Variants in CEP43 observed in about 807,000 individuals in gnomAD.
The protein encoded by CEP43 is centrosomal protein 43.
In CEP43, 36 loss-of-function variants were observed where a neutral mutation model predicts 52.6. The ratio of observed to expected loss-of-function variants is 0.68; its 90% CI spans 0.52 to 0.90. The LOEUF (loss-of-function observed/expected upper bound fraction) is 0.90, where lower values mean the gene tolerates loss of function less well. CEP43 is among the 40% of genes least tolerant of loss of function. CEP43 has a pLI of 0.00. For synonymous variants in CEP43, 192 were observed against 172.4 expected, an observed-to-expected ratio of 1.11 and a Z score of -0.89; for missense variants, 506 against 472.8, an observed-to-expected ratio of 1.07 and a Z score of -0.65.
At chr6:166,999,842 A>G (rs1779688622) in intron 1 of CEP43, 2 of 565,004 alleles carry the variant, frequency 3.5e-6, no homozygotes, top group African/African-American at 1.9e-5. Flanking sequence ...TCTCTTCCTC[A>G]GGCTCGGGCA....
chr6:167,003,208 G>T lies in CEP43; in HGVS notation c.172G>T (p.Val58Phe). The T allele has an allele frequency of 6.8e-7, 1 of 1,476,196 alleles. No homozygotes were observed. 91.4% of individuals were successfully genotyped at this position (1,476,196 alleles called of 1,614,324 possible). ...QEKVENKTPL[V>F]NESLKKFLNT... ...TTTTTAACAGAACAAAACTCCTTTAGTTAATGAGAGCCTGAAAAAGTTTTT... is the reference window on the plus strand; with the variant it reads ...TTTTTAACAGAACAAAACTCCTTTATTTAATGAGAGCCTGAAAAAGTTTTT... Residue 58 changes from valine (V) to phenylalanine (F), a missense_variant, in exon 3 of 13, where the codon GTT becomes TTT. Transcript: ENST00000366847.
chr6:167,032,609 G>T lies in CEP43; in HGVS notation c.995G>T (p.Gly332Val). Residue 332 changes from glycine to valine, a missense_variant, in exon 11 of 13, where the codon GGA becomes GTA. Coordinates refer to ENST00000366847, the MANE Select transcript of CEP43 (RefSeq NM_007045.4). ...CTTTTCTTAAACTTATCAGGAACTG[G>T]AGAAGATGATGACTATGTTGATGAT... Reference protein sequence around the residue: ...DKIGSLGLGTGEDDDYVDDFN... With the variant: ...DKIGSLGLGTVEDDDYVDDFN... 6.3e-7 allele frequency: 1 copy of T among 1,576,888 alleles called. No individual in the cohort carries two copies. Among genetic ancestry groups the T allele is most frequent in the Non-Finnish European group, 8.6e-7 (1 of 1,157,682 alleles).
At chr6:167,017,623 A>G (rs1229144944) in intron 7 of CEP43, among the ~76,000 whole-genome samples, 2 of 151,524 alleles carry the variant, frequency 1.3e-5, no homozygotes, top group Non-Finnish European at 2.9e-5. Context: ...TCAGTCTGAT[A>G]CAATTCAGTT....
rs1287499022 is a variant in CEP43 at position 167,052,659 on chromosome 6, G to GT, written c.*12683dup. The GT allele has an allele frequency of 2.6e-5, 4 of 152,310 alleles. No individual in the cohort carries two copies. The East Asian group carries it at 7.7e-4, about 29-fold the overall frequency. 9.4% of individuals were successfully genotyped at this position (152,310 alleles called of 1,614,324 possible). A position where few individuals can be genotyped will look rare whatever the true frequency, so the allele number is the denominator to read the frequency against. ...GTCAAATACTGTTCCACTTACTGCA[G>GT]TTGCCTACAGTCTGGGTTTTGTTCA... is the stretch of plus-strand genomic sequence containing the variant. On this transcript the variant is annotated 3_prime_UTR_variant, in exon 13 of 13. Transcript: ENST00000366847.
chr6:167,005,247 T>C (rs891211977), intron 5 of CEP43, among the ~76,000 whole-genome samples: 1 of 152,218 alleles, frequency 6.6e-6, no homozygotes, highest in Non-Finnish European at 1.5e-5. Flanking sequence ...GTGTAAGGCA[T>C]GGTAAATAGA....
chr6:167,013,367 A>T (rs1780025513), intron 6 of CEP43, 141 bp from the exon 7 acceptor site: 1 of 611,568 alleles, frequency 1.6e-6, no homozygotes, highest in South Asian at 2.1e-5. Flanking sequence ...GGACCAAAAA[A>T]AGCAGGCCTC....
chr6:167,035,635 C>T (rs898453605), intron 12 of CEP43, among the ~76,000 whole-genome samples: 5 of 151,614 alleles, frequency 3.3e-5, no homozygotes, highest in Admixed American at 2.0e-4. Context: ...GGCGCTATCT[C>T]AGCTCACTGC....
chr6:167,041,663 A>G lies in CEP43; in HGVS notation c.*1685A>G. 4 of 1,043,474 alleles carry G rather than the reference A, an allele frequency of 3.8e-6. No homozygotes were observed. Among genetic ancestry groups the G allele is most frequent in the Non-Finnish European group, 4.6e-6 (4 of 865,482 alleles). 64.6% of individuals were successfully genotyped at this position (1,043,474 alleles called of 1,614,324 possible). ...TTTCAGTGAAATGATTTGAAAGCAT[A>G]GCAGGATGTGGCTTTTTAAATTTAT... On this transcript the variant is annotated 3_prime_UTR_variant, in exon 13 of 13. Transcript: ENST00000366847.
rs1332071543 is a variant in CEP43 at position 167,052,151 on chromosome 6, A to G, written c.*12173A>G. ...TTCTCAGTTTATCAGAATCTACTTA[A>G]GTTTATACTAACTTATGTCCAGTGA... On this transcript the variant is annotated 3_prime_UTR_variant, in exon 13 of 13. Coordinates refer to ENST00000366847, the MANE Select transcript of CEP43 (RefSeq NM_007045.4). 1 of 152,158 alleles carries G rather than the reference A, an allele frequency of 6.6e-6. No individual in the cohort carries two copies. The highest frequency in any genetic ancestry group is 2.4e-5 in the African/African-American group (1 of 41,430). The allele number at this position is 152,158 out of a possible 1,614,324, so 9.4% of individuals were successfully genotyped here. A position where few individuals can be genotyped will look rare whatever the true frequency, so the allele number is the denominator to read the frequency against.
intron 5 of CEP43, among the ~76,000 whole-genome samples, chr6:167,008,400 A>G (rs1476160975): frequency 6.6e-6 from 1 of 152,126 alleles, no homozygotes; most frequent in Admixed American, 6.5e-5. Context: ...CTGGTTACAC[A>G]TGGAAATTTA....
chr6:167,000,945 C>A (rs113776039), intron 2 of CEP43, among the ~76,000 whole-genome samples: 7,736 of 152,296 alleles, frequency 0.051, 671 homozygotes, highest in African/African-American at 0.18. Flanking sequence ...TCAGTCAATC[C>A]TGTGGATTGC....
intron 12 of CEP43, among the ~76,000 whole-genome samples, chr6:167,036,995 G>T (rs1780597482): frequency 6.6e-6 from 1 of 152,088 alleles, no homozygotes; most frequent in Non-Finnish European, 1.5e-5. Flanking sequence ...AGTAGAGATG[G>T]GGTTTCACCT....
At chr6:167,029,255 G>T (rs1780417244) in intron 10 of CEP43, among the ~76,000 whole-genome samples, 1 of 152,244 alleles carries the variant, frequency 6.6e-6, no homozygotes, top group South Asian at 2.1e-4. Context: ...TATGGGATGG[G>T]GAGGAGAGAC....
rs1185223161 is a variant in CEP43 at position 167,033,914 on chromosome 6, T to A, written c.1068T>A (p.Gly356=). 6.2e-7 allele frequency: 1 copy of A among 1,601,544 alleles called. No individual in the cohort carries two copies. The highest frequency in any genetic ancestry group is 8.5e-7 in the Non-Finnish European group (1 of 1,171,822). The change falls in exon 12 of 13, where the codon GGT becomes GGA. Residue 356 remains glycine (G), a synonymous_variant. Coordinates refer to ENST00000366847, the MANE Select transcript of CEP43 (RefSeq NM_007045.4). Reference sequence around the variant, plus strand: ...CAGAGAAAAGTGAGATAAGTATTGGTGAAGAGATAGAAGAAGACCTTTCTG... The same window carrying A: ...CAGAGAAAAGTGAGATAAGTATTGGAGAAGAGATAGAAGAAGACCTTTCTG... The part of the protein sequence containing the change: ...HRSEKSEISI[G]EEIEEDLSVE...
chr6:167,032,280 T>G (rs1394964990), intron 10 of CEP43, among the ~76,000 whole-genome samples: 1 of 152,214 alleles, frequency 6.6e-6, no homozygotes, highest in Non-Finnish European at 1.5e-5. Context: ...CTAGAGGGGA[T>G]TGATGATGAC....
chr6:167,025,613 C>A (rs1165163446), intron 9 of CEP43, among the ~76,000 whole-genome samples: 1 of 152,214 alleles, frequency 6.6e-6, no homozygotes, highest in East Asian at 1.9e-4. Context: ...GCATAATTGT[C>A]CAGTATTTCC....
chr6:167,016,448 C>A (rs1481750524), intron 7 of CEP43, among the ~76,000 whole-genome samples: 1 of 152,130 alleles, frequency 6.6e-6, no homozygotes, highest in East Asian at 1.9e-4. Flanking sequence ...CATGTAGAGG[C>A]AGGGGTCTCA....
rs1780832677 is a variant in CEP43, at chr6:167,048,576, A to C, written c.*8598A>C. 1 of 152,182 alleles carries C rather than the reference A, an allele frequency of 6.6e-6. No individual in the cohort carries two copies. The allele number at this position is 152,182 out of a possible 1,614,324, so 9.4% of individuals were successfully genotyped here. ...ACTAATTGTAACAAACTATCTTTCAAATTATATCAAAACAGTGATTCATAA... is the reference window on the plus strand; with the variant it reads ...ACTAATTGTAACAAACTATCTTTCACATTATATCAAAACAGTGATTCATAA... On this transcript the variant is annotated 3_prime_UTR_variant, in exon 13 of 13. Coordinates refer to ENST00000366847, the MANE Select transcript of CEP43 (RefSeq NM_007045.4).
At chr6:167,034,505 T>C (rs886679634) in intron 12 of CEP43, among the ~76,000 whole-genome samples, 2 of 152,228 alleles carry the variant, frequency 1.3e-5, no homozygotes, top group African/African-American at 4.8e-5. Flanking sequence ...CCTTCGATGG[T>C]GAGCTGTAGC....
Sources: gnomAD v4.1 joint callset for allele counts (sites outside exome capture counted in the v4.1 genomes callset) on GRCh38, gnomAD v4.1.1 for gene constraint, MANE v1.5 for transcripts, NCBI Gene and HGNC (gene_info 2026-07-23, HGNC 2026-07-21) for gene names.